Variants in TNC observed in about 807,000 individuals in gnomAD.
TNC encodes the protein tenascin.
A neutral mutation model predicts 202.4 loss-of-function variants in TNC; 109 were observed. The observed-to-expected ratio is 0.54, with a 90% CI of 0.46 to 0.63. TNC has a LOEUF of 0.63. Ranked by LOEUF, TNC falls within the 30% of genes least tolerant of loss-of-function variation. The pLI is 0.00. For synonymous variants in TNC, 1,007 were observed against 1,089.7 expected (o/e 0.92, Z 1.50); for missense variants, 2,756 against 2,833.3 (o/e 0.97, Z 0.62).
intron 1 of TNC, among the ~76,000 whole-genome samples, chr9:115,094,846 T>G (rs1475729321): frequency 6.6e-6 from 1 of 151,042 alleles, no homozygotes; most frequent in East Asian, 2.0e-4. Context: ...TGTGTGTGTG[T>G]GTGTGTGTGT....
At chr9:115,106,995 T>C (rs994680152) in intron 1 of TNC, among the ~76,000 whole-genome samples, 1 of 152,140 alleles carries the variant, frequency 6.6e-6, no homozygotes, top group African/African-American at 2.4e-5. Context: ...ATCATACAAA[T>C]GAATAACTTT....
chr9:115,081,002 G>A (rs537346277), intron 6 of TNC, among the ~76,000 whole-genome samples: 23 of 152,100 alleles, frequency 1.5e-4, no homozygotes, highest in African/African-American at 5.5e-4. Flanking sequence ...AAGAACTTCT[G>A]ACATCATTAG....
At chr9:115,044,466 C>G (rs1216207467) in intron 17 of TNC, among the ~76,000 whole-genome samples, 2 of 151,362 alleles carry the variant, frequency 1.3e-5, no homozygotes, top group Non-Finnish European at 2.9e-5. Flanking sequence ...CTACTAGGCT[C>G]TAGAGAAGAA....
rs186480935 is a variant in TNC, at chr9:115,029,559, C to T, written c.6073-103G>A. ...GGCACTGTGGAGAGAGCATCAGGCT[C>T]CATTCTGTCCATCCCTAATTTGCTA... On this transcript the variant is annotated intron_variant, in intron 24 of 27. Coordinates refer to ENST00000350763, the MANE Select transcript of TNC (RefSeq NM_002160.4). 24 of 1,112,758 alleles carry T rather than the reference C, an allele frequency of 2.2e-5. No homozygotes were observed. In the East Asian group the frequency reaches 5.0e-4, roughly 23 times the overall value. The allele number at this position is 1,112,758 out of a possible 1,614,324, so 68.9% of individuals were successfully genotyped here.
At chr9:115,032,281 T>G (rs570445144) in intron 22 of TNC, among the ~76,000 whole-genome samples, 9 of 152,326 alleles carry the variant, frequency 5.9e-5, no homozygotes, top group African/African-American at 2.2e-4. Flanking sequence ...ATGAAGGGCC[T>G]TTAAATGACA....
At chr9:115,043,074 T>TC (rs1432732552) in intron 17 of TNC, among the ~76,000 whole-genome samples, 1 of 152,014 alleles carries the variant, frequency 6.6e-6, no homozygotes, top group Admixed American at 6.6e-5. Context: ...CCAAAATACC[T>TC]CCCCTCAAAA....
At chr9:115,040,712 C>A (rs1009067561) in intron 19 of TNC, among the ~76,000 whole-genome samples, 1 of 152,228 alleles carries the variant, frequency 6.6e-6, no homozygotes, top group Non-Finnish European at 1.5e-5. Context: ...GGAGGCCCAA[C>A]AAGGTTAAGG....
chr9:115,060,802 C>T (rs1462104619), intron 13 of TNC, among the ~76,000 whole-genome samples: 1 of 152,106 alleles, frequency 6.6e-6, no homozygotes, highest in East Asian at 1.9e-4. Context: ...GTACTGGGTT[C>T]TCAGCTTGTT....
At chr9:115,030,524 T>C (rs189028345) in intron 23 of TNC, 119 bp from the exon 24 acceptor site, 44 of 1,170,926 alleles carry the variant, frequency 3.8e-5, no homozygotes, top group Non-Finnish European at 4.0e-5. Flanking sequence ...AATAATGTGA[T>C]GCAAACAATT....
At chr9:115,065,361 A>T (rs1163806671) in intron 10 of TNC, among the ~76,000 whole-genome samples, 1 of 152,104 alleles carries the variant, frequency 6.6e-6, no homozygotes, top group Non-Finnish European at 1.5e-5. Context: ...GCGCCATTGC[A>T]CTCCAGTCTG....
At chr9:115,061,659 T>C (rs929338632) in intron 13 of TNC, among the ~76,000 whole-genome samples, 1 of 152,188 alleles carries the variant, frequency 6.6e-6, no homozygotes, top group African/African-American at 2.4e-5. Flanking sequence ...TTGTTTTGAA[T>C]TGAGTGATTT....
chr9:115,090,243 T>C (rs1271449), intron 2 of TNC, among the ~76,000 whole-genome samples: 49,548 of 151,932 alleles, frequency 0.33, 8,166 homozygotes, highest in Admixed American at 0.4. Context: ...TCATAGGTTT[T>C]GGGGTAGAAA....
At chr9:115,045,869 G>A (rs912003517) in intron 17 of TNC, among the ~76,000 whole-genome samples, 4 of 151,986 alleles carry the variant, frequency 2.6e-5, no homozygotes, top group African/African-American at 4.8e-5. Context: ...GCTGATCACC[G>A]TACTGATTAT....
Position 115,059,848 on chromosome 9 carries a change from A to T in TNC, c.4188T>A (p.Pro1396=). 1 of 1,614,066 alleles carries T rather than the reference A, an allele frequency of 6.2e-7. No individual in the cohort carries two copies. The highest frequency in any genetic ancestry group is 8.5e-7 in the Non-Finnish European group (1 of 1,180,010). The change falls in exon 14 of 28, where the codon CCT becomes CCA. Residue 1396 remains proline (P), a synonymous_variant. Transcript: ENST00000350763. ...KVEAAQNLTL[P]GSLRAVDIPG... is the part of the protein sequence containing the mutation. The stretch of plus-strand genomic sequence containing the variant: ...GGATGTCCACAGCCCTGAGGCTGCC[A>T]GGCAACGTGAGGTTCTGGGCTGCCT...
intron 20 of TNC, 89 bp downstream of exon 20, chr9:115,038,172 C>A: frequency 6.6e-7 from 1 of 1,522,342 alleles, no homozygotes; most frequent in Non-Finnish European, 8.9e-7. Context: ...CATCCTGTAC[C>A]AAATGTGGCA....
In TNC at chr9:115,059,791, G is replaced by A. The variant is rs746931868; in HGVS notation, c.4245C>T (p.Val1415=). The A allele has an allele frequency of 1.9e-6, 3 of 1,614,172 alleles. No homozygotes were observed. The highest frequency in any genetic ancestry group is 2.7e-5 in the African/African-American group (2 of 75,056). ...PGLEAATPYR[V]SIYGVIRGYR... ...AGCCCCGGATCACCCCATAGATGGA[G>A]ACTCTATAAGGCGTGGCAGCCTCGA... is the stretch of plus-strand genomic sequence containing the variant. The change falls in exon 14 of 28, where the codon GTC becomes GTT. Residue 1415 remains valine (V), a synonymous_variant. Coordinates refer to ENST00000350763, the MANE Select transcript of TNC (RefSeq NM_002160.4).
chr9:115,066,783 G>C (rs1299152035), intron 10 of TNC, among the ~76,000 whole-genome samples: 1 of 152,140 alleles, frequency 6.6e-6, no homozygotes, highest in Non-Finnish European at 1.5e-5. Context: ...TTCCAATTCT[G>C]GTGCCACAGA....
At chr9:115,077,734 C>G (rs1343362257) in intron 7 of TNC, among the ~76,000 whole-genome samples, 1 of 152,090 alleles carries the variant, frequency 6.6e-6, no homozygotes, top group Non-Finnish European at 1.5e-5. Context: ...TGTCCCCCAC[C>G]CCCAAAAGTG....
intron 10 of TNC, among the ~76,000 whole-genome samples, chr9:115,067,458 A>G (rs1833040666): frequency 6.6e-6 from 1 of 152,076 alleles, no homozygotes. Context: ...TTTAATCCTT[A>G]TGTCTAATTG....
Sources: allele counts gnomAD v4.1 joint callset (sites outside exome capture counted in the v4.1 genomes callset), GRCh38; gene constraint gnomAD v4.1.1; transcripts MANE v1.5; gene names NCBI Gene and HGNC (gene_info 2026-07-23, HGNC 2026-07-21).